Variants in SIPA1L3 observed in about 807,000 individuals in gnomAD.
SIPA1L3 encodes the protein signal-induced proliferation-associated 1-like protein 3.
Under a neutral mutation model 150.1 loss-of-function variants are expected in SIPA1L3, and 59 were observed. That is an observed-to-expected ratio of 0.39 (90% CI 0.32 to 0.49). The LOEUF is 0.49. Among genes scored for constraint, SIPA1L3 ranks in the 20% least tolerant of loss-of-function variants. The pLI, the probability that SIPA1L3 is intolerant of heterozygous loss-of-function variation, is 0.86. For synonymous variants in SIPA1L3, 1,070 were observed against 1,077.6 expected, an observed-to-expected ratio of 0.99 and a Z score of 0.14; for missense variants, 2,211 against 2,489.5, an observed-to-expected ratio of 0.89 and a Z score of 2.38.
intron 1 of SIPA1L3, chr19:37,932,686 C>T (rs1599809015): frequency 6.6e-6 from 1 of 152,182 alleles, no homozygotes; most frequent in East Asian, 1.9e-4. Flanking sequence ...TTCGGGGAGT[C>T]TTTCAGGTGA....
At chr19:37,976,123 G>GA (rs1412374630) in intron 1 of SIPA1L3, among the ~76,000 whole-genome samples, 2 of 95,112 alleles carry the variant, frequency 2.1e-5, no homozygotes, top group East Asian at 9.7e-4. Context: ...AAAAAAGAAA[G>GA]AAAAGAAATG....
intron 4 of SIPA1L3, 136 bp from the exon 5 acceptor site, chr19:38,099,826 T>G: frequency 1.4e-6 from 1 of 711,662 alleles, no homozygotes. Context: ...TGGCTCAGAC[T>G]TAGGGCTTTC....
At chr19:37,948,136 C>G (rs1324525118) in intron 1 of SIPA1L3, among the ~76,000 whole-genome samples, 1 of 152,174 alleles carries the variant, frequency 6.6e-6, no homozygotes, top group Non-Finnish European at 1.5e-5. Context: ...TGGGCCAAAC[C>G]AGGGAAGACG....
chr19:37,941,087 T>TACACACACACAC lies in SIPA1L3; in HGVS notation c.-379+33754_-379+33765dup, dbSNP rs59368800. Among the ~76,000 whole-genome samples, 378 of 128,632 alleles carry TACACACACACAC rather than the reference T, an allele frequency of 2.9e-3. 2 individuals are homozygous for TACACACACACAC. The highest frequency in any genetic ancestry group is 3.8e-3 in the Non-Finnish European group (239 of 63,306). 84.4% of individuals were successfully genotyped at this position (128,632 alleles called of 152,430 possible). On this transcript the variant is annotated intron_variant, in intron 1 of 21. Transcript: ENST00000222345. ...TTTGAGATGTACACACACACACACA[T>TACACACACACAC]ACACACACACACACACACACACACA...
intron 1 of SIPA1L3, among the ~76,000 whole-genome samples, chr19:38,025,888 T>C (rs951861138): frequency 7.2e-5 from 11 of 152,236 alleles, no homozygotes; most frequent in African/African-American, 2.4e-4. Context: ...TTCTGAGTGT[T>C]TTAAAAGCGT....
chr19:38,021,287 T>A (rs1192100052), intron 1 of SIPA1L3, among the ~76,000 whole-genome samples: 1 of 152,148 alleles, frequency 6.6e-6, no homozygotes, highest in Non-Finnish European at 1.5e-5. Flanking sequence ...CTTTGTGTCA[T>A]ATAACAATGT....
At chr19:38,062,750 AGTT>A (rs1407072991) in intron 2 of SIPA1L3, among the ~76,000 whole-genome samples, 3 of 151,918 alleles carry the variant, frequency 2.0e-5, no homozygotes, top group Non-Finnish European at 1.5e-5. Flanking sequence ...CCTCCTGAGT[AGTT>A]AGGATTACAG....
chr19:38,003,794 T>C (rs1029916231), intron 1 of SIPA1L3, among the ~76,000 whole-genome samples: 7 of 152,180 alleles, frequency 4.6e-5, no homozygotes, highest in Non-Finnish European at 8.8e-5. Context: ...TTTGAAACTT[T>C]AGACCCCAGC....
rs551955114 is a variant in SIPA1L3, at chr19:38,086,060, G to A, written c.1535-2661G>A. Reference sequence around the variant, plus strand: ...AAGTAGAAAAACTCACAACCATAGCGGGAGAAGTGCACAGATTATCTCTCT... The same window carrying A: ...AAGTAGAAAAACTCACAACCATAGCAGGAGAAGTGCACAGATTATCTCTCT... On this transcript the variant is annotated intron_variant, in intron 3 of 21. Coordinates refer to ENST00000222345, the MANE Select transcript of SIPA1L3 (RefSeq NM_015073.3). 7.9e-5 allele frequency among the ~76,000 whole-genome samples: 12 copies of A among 151,972 alleles called. No individual in the cohort carries two copies. In the South Asian group the frequency reaches 2.1e-3, roughly 26 times the overall value.
Position 38,138,890 on chromosome 19 carries a change from T to A in SIPA1L3, c.3144-2294T>A, listed in dbSNP as rs1349255260. Among the ~76,000 whole-genome samples the A allele has an allele frequency of 6.9e-4, 15 of 21,692 alleles. No individual in the cohort carries two copies. In the East Asian group the frequency reaches 0.013, roughly 19 times the overall value. 14.2% of individuals were successfully genotyped at this position (21,692 alleles called of 152,430 possible). ...TCCAGCCTGGGTGACAGAACGAGAC[T>A]CTATCTCAAAAAAAAAAAAAAAAAA... On this transcript the variant is annotated intron_variant, in intron 10 of 21. Coordinates refer to ENST00000222345, the MANE Select transcript of SIPA1L3 (RefSeq NM_015073.3).
Position 38,050,433 on chromosome 19 carries a change from C to G in SIPA1L3, c.-311+21277C>G, listed in dbSNP as rs895973061. ...ATCACACCACTGCACTCCAGCCTGG[C>G]CAACAGAGTGAGACTGTCTCAACAA... On this transcript the variant is annotated intron_variant, in intron 2 of 21. Transcript: ENST00000222345. Among the ~76,000 whole-genome samples the G allele has an allele frequency of 3.3e-5, 5 of 152,064 alleles. No homozygotes were observed. In the East Asian group the frequency reaches 7.8e-4, roughly 24 times the overall value.
intron 4 of SIPA1L3, 44 bp downstream of exon 4, chr19:38,088,895 C>T: frequency 6.2e-7 from 1 of 1,600,994 alleles, no homozygotes; most frequent in Non-Finnish European, 8.5e-7. Flanking sequence ...ATCATAGCCA[C>T]TCACATCTCG....
intron 18 of SIPA1L3, among the ~76,000 whole-genome samples, chr19:38,198,003 C>T (rs1160763048): frequency 3.9e-5 from 6 of 152,126 alleles, no homozygotes; most frequent in Non-Finnish European, 7.4e-5. Flanking sequence ...CCTCTGTTCT[C>T]GCCTCCTGCT....
At chr19:37,922,260 GT>G (rs2046463189) in intron 1 of SIPA1L3, among the ~76,000 whole-genome samples, 1 of 151,472 alleles carries the variant, frequency 6.6e-6, no homozygotes, top group African/African-American at 2.4e-5. Flanking sequence ...TAATTTTTGT[GT>G]TTTTTTAGTA....
chr19:37,985,855 G>T (rs960762199), intron 1 of SIPA1L3, among the ~76,000 whole-genome samples: 7 of 152,202 alleles, frequency 4.6e-5, no homozygotes, highest in African/African-American at 1.7e-4. Flanking sequence ...CAGGGATGCG[G>T]GGCCACAGGG....
chr19:38,203,957 G>GTGTGCC (rs1175760777), intron 20 of SIPA1L3, 170 bp from the exon 21 acceptor site: 18 of 595,610 alleles, frequency 3.0e-5, no homozygotes, highest in Middle Eastern at 4.4e-4. Context: ...GGTGGGTGGA[G>GTGTGCC]TGTGCCGGGT....
chr19:37,963,856 AT>A, intron 1 of SIPA1L3: 1 of 152,294 alleles, frequency 6.6e-6, no homozygotes, highest in South Asian at 2.1e-4. Flanking sequence ...GTCTTTCCAA[AT>A]TTCCAAACTT....
At chr19:38,063,335 C>T (rs1053206458) in intron 2 of SIPA1L3, among the ~76,000 whole-genome samples, 5 of 152,064 alleles carry the variant, frequency 3.3e-5, no homozygotes, top group African/African-American at 7.2e-5. Context: ...TGTGGTGTTC[C>T]GGGTGGGCCC....
intron 1 of SIPA1L3, among the ~76,000 whole-genome samples, chr19:37,911,268 T>TGC (rs1314465228): frequency 1.3e-5 from 2 of 151,962 alleles, no homozygotes; most frequent in African/African-American, 4.8e-5. Flanking sequence ...TGTGTGTGTG[T>TGC]GTATCGACTG....
Sources: gnomAD v4.1 joint callset for allele counts (sites outside exome capture counted in the v4.1 genomes callset) on GRCh38, gnomAD v4.1.1 for gene constraint, MANE v1.5 for transcripts, NCBI Gene and HGNC (gene_info 2026-07-23, HGNC 2026-07-21) for gene names.